Variants in ZPLD1 observed in about 807,000 individuals in gnomAD.
ZPLD1 encodes zona pellucida like domain containing 1.
A neutral mutation model predicts 47.2 loss-of-function variants in ZPLD1; 34 were observed. That is an observed-to-expected ratio of 0.72 (90% CI 0.55 to 0.96). The LOEUF (loss-of-function observed/expected upper bound fraction) is 0.96, where lower values mean the gene tolerates loss of function less well. Ranked by LOEUF, ZPLD1 falls within the 40% of genes least tolerant of loss-of-function variation. The pLI is 0.00. For missense variants in ZPLD1, 512 were observed against 505.8 expected, an observed-to-expected ratio of 1.01 and a Z score of -0.12; for synonymous variants, 176 against 186.2, an observed-to-expected ratio of 0.95 and a Z score of 0.45.
intron 7 of ZPLD1, among the ~76,000 whole-genome samples, chr3:102,401,258 T>C (rs986360305): frequency 6.6e-6 from 1 of 152,012 alleles, no homozygotes; most frequent in Admixed American, 6.6e-5. Context: ...TATATGTATG[T>C]GTGTGTTTAT....
At chr3:102,427,616 C>G (rs1467144740) in intron 8 of ZPLD1, among the ~76,000 whole-genome samples, 1 of 152,158 alleles carries the variant, frequency 6.6e-6, no homozygotes, top group Non-Finnish European at 1.5e-5. Flanking sequence ...TACTTTATCT[C>G]TAGGGCAATA....
chr3:102,462,746 T>G (rs1194799074), intron 7 of ZPLD1, among the ~76,000 whole-genome samples: 3 of 152,116 alleles, frequency 2.0e-5, no homozygotes, highest in African/African-American at 7.2e-5. Flanking sequence ...CTCTTCAATA[T>G]GAATTTATTA....
intron 8 of ZPLD1, among the ~76,000 whole-genome samples, chr3:102,424,706 A>G (rs1706921237): frequency 6.6e-6 from 1 of 152,156 alleles, no homozygotes; most frequent in African/African-American, 2.4e-5. Context: ...TAATATATAC[A>G]CACCTATAAA....
Position 102,477,976 on chromosome 3 carries a change from T to C in ZPLD1, c.*358T>C, listed in dbSNP as rs1324713892. The C allele has an allele frequency of 1.2e-5, 2 of 162,980 alleles. No individual in the cohort carries two copies. Among genetic ancestry groups the C allele is most frequent in the Non-Finnish European group, 2.7e-5 (2 of 75,430 alleles). 10.1% of individuals were successfully genotyped at this position (162,980 alleles called of 1,614,324 possible). A position where few individuals can be genotyped will look rare whatever the true frequency, so the allele number is the denominator to read the frequency against. On this transcript the variant is annotated 3_prime_UTR_variant, in exon 12 of 12. Transcript: ENST00000466937. ...TAGACAAAAAATGAAATGTGTTGCA[T>C]TTCCCCCTTAAGCATTAATGGCATT... is the stretch of plus-strand genomic sequence containing the variant.
At chr3:102,412,381 TCCCA>T (rs1307222279) in intron 7 of ZPLD1, among the ~76,000 whole-genome samples, 1 of 151,658 alleles carries the variant, frequency 6.6e-6, no homozygotes, top group Non-Finnish European at 1.5e-5. Flanking sequence ...GCTCACTAAC[TCCCA>T]CCTAGAGGAT....
At chr3:102,434,713 G>A (rs1438231691), upstream of ZPLD1, among the ~76,000 whole-genome samples, 1 of 152,094 alleles carries the variant, frequency 6.6e-6, no homozygotes, top group East Asian at 1.9e-4. Context: ...ATTAGACAAG[G>A]CATTCTTGTA....
chr3:102,435,385 A>G (rs1212195459), intron 1 of ZPLD1, among the ~76,000 whole-genome samples: 1 of 152,182 alleles, frequency 6.6e-6, no homozygotes, highest in Non-Finnish European at 1.5e-5. Flanking sequence ...ACTCAAATAG[A>G]GATTCAACCA....
chr3:102,425,613 C>G (rs1437351537), intron 8 of ZPLD1, among the ~76,000 whole-genome samples: 1 of 151,952 alleles, frequency 6.6e-6, no homozygotes, highest in African/African-American at 2.4e-5. Context: ...TGTTTCAGAT[C>G]CCAAAGAACA....
rs71781267 is a variant in ZPLD1 at position 102,388,429 on chromosome 3, GTC to G, written c.-213+3134_-213+3135del. On this transcript the variant is annotated intron_variant, in intron 6 of 17. Coordinates refer to the ZPLD1 transcript ENST00000491959. ...ATATTATTGGATTTTCTCTCCTGGAGTCTCTCTCTCTCTCTCTCTCTCTGTCT... is the reference window on the plus strand; with the variant it reads ...ATATTATTGGATTTTCTCTCCTGGAGTCTCTCTCTCTCTCTCTCTCTGTCT... Among the ~76,000 whole-genome samples the G allele has an allele frequency of 2.8e-3, 378 of 135,108 alleles. 1 individual carries two copies. The highest frequency in any genetic ancestry group is 2.1e-3 in the Admixed American group (28 of 13,470). The allele number at this position is 135,108 out of a possible 152,430, so 88.6% of individuals were successfully genotyped here.
intron 7 of ZPLD1, among the ~76,000 whole-genome samples, chr3:102,395,622 G>A (rs1212572893): frequency 6.6e-6 from 1 of 152,134 alleles, no homozygotes; most frequent in Non-Finnish European, 1.5e-5. Flanking sequence ...CTCTAGAACT[G>A]TAAGAACAAA....
At position 102,413,436 on chromosome 3, in the gene ZPLD1, A is replaced by G. The variant is rs187618757; in HGVS notation, c.-156-4624A>G. Among the ~76,000 whole-genome samples, 379 of 151,924 alleles carry G rather than the reference A, an allele frequency of 2.5e-3. 4 individuals carry two copies. The highest frequency in any genetic ancestry group is 4.6e-4 in the Non-Finnish European group (31 of 67,844). On this transcript the variant is annotated intron_variant, in intron 7 of 17. Coordinates refer to the ZPLD1 transcript ENST00000491959. ...GGTAGTGCTTATTTTACATTATTAA[A>G]TGATTTTTCTTTCTTATGAAAAGTC...
At chr3:102,448,669 AT>A (rs1433198166) in intron 3 of ZPLD1, among the ~76,000 whole-genome samples, 3 of 152,334 alleles carry the variant, frequency 2.0e-5, no homozygotes, top group Admixed American at 6.5e-5. Flanking sequence ...CCTGTAGCAA[AT>A]TCAGTTTCAT....
chr3:102,447,963 C>T (rs904887257), intron 3 of ZPLD1, among the ~76,000 whole-genome samples: 1 of 151,984 alleles, frequency 6.6e-6, no homozygotes, highest in Admixed American at 6.6e-5. Context: ...CTATGAACCT[C>T]AAATCAGGAC....
chr3:102,385,385 T>C (rs1205427601), intron 6 of ZPLD1: 4 of 152,300 alleles, frequency 2.6e-5, no homozygotes, highest in Non-Finnish European at 5.9e-5. Flanking sequence ...TAAAGAAAGG[T>C]GTAATGTTTT....
At chr3:102,419,635 ATT>A (rs143303657) in intron 8 of ZPLD1, among the ~76,000 whole-genome samples, 15 of 144,776 alleles carry the variant, frequency 1.0e-4, no homozygotes, top group Middle Eastern at 3.5e-3. Context: ...TAAACGACTG[ATT>A]TTTTTTTTTT....
At chr3:102,406,738 T>C (rs1021693645) in intron 7 of ZPLD1, among the ~76,000 whole-genome samples, 1 of 151,964 alleles carries the variant, frequency 6.6e-6, no homozygotes, top group Non-Finnish European at 1.5e-5. Context: ...AACCACAGTT[T>C]AAAATGTTTT....
At chr3:102,400,430 T>C (rs889198255) in intron 7 of ZPLD1, among the ~76,000 whole-genome samples, 14 of 152,052 alleles carry the variant, frequency 9.2e-5, no homozygotes, top group Admixed American at 6.5e-4. Flanking sequence ...CATTGGAAAG[T>C]CTGAGCTGTG....
In ZPLD1 at chr3:102,477,624, A is replaced by G. The variant is rs768496363; in HGVS notation, c.*6A>G. The G allele has an allele frequency of 5.7e-5, 92 of 1,606,930 alleles. No homozygotes were observed. The highest frequency in any genetic ancestry group is 7.0e-5 in the Non-Finnish European group (82 of 1,177,136). On this transcript the variant is annotated 3_prime_UTR_variant, in exon 12 of 12. Transcript: ENST00000466937. ...GAAACCCAGTCTTTGACTGACTATA[A>G]CAGATTCCTGCTCTCTGGAGAAGGC...
At position 102,429,551 on chromosome 3, in the gene ZPLD1, A is replaced by T. The variant is rs555097956; in HGVS notation, c.-8-8929A>T. On this transcript the variant is annotated intron_variant, in intron 8 of 17. Transcript: ENST00000491959. Reference sequence around the variant, plus strand: ...TAGGGTTTACTGGATTGGGGGGGAAAGTTATATAATATATTTTTTATGAAT... The same window carrying T: ...TAGGGTTTACTGGATTGGGGGGGAATGTTATATAATATATTTTTTATGAAT... Among the ~76,000 whole-genome samples, 87 of 152,274 alleles carry T rather than the reference A, an allele frequency of 5.7e-4. 2 individuals carry two copies. In the South Asian group the frequency reaches 0.011, roughly 20 times the overall value.
Sources: gnomAD v4.1 joint callset for allele counts (sites outside exome capture counted in the v4.1 genomes callset) on GRCh38, gnomAD v4.1.1 for gene constraint, MANE v1.5 for transcripts, NCBI Gene and HGNC (gene_info 2026-07-23, HGNC 2026-07-21) for gene names.